SND1: variants seen among roughly 807,000 people sequenced by gnomAD.
SND1 encodes staphylococcal nuclease and tudor domain containing 1.
Under a neutral mutation model 121.7 loss-of-function variants are expected in SND1, and 38 were observed. The observed-to-expected ratio is 0.31, with a 90% CI of 0.24 to 0.41. The LOEUF (loss-of-function observed/expected upper bound fraction) is 0.41. SND1 is among the 10% of genes least tolerant of loss of function. SND1 has a pLI of 1.00. For synonymous variants in SND1, 401 were observed against 447.4 expected (o/e 0.90, Z 1.31); for missense variants, 868 against 1,184.6 (o/e 0.73, Z 3.92).
chr7:127,944,771 C>T (rs747375244), intron 15 of SND1, among the ~76,000 whole-genome samples: 1 of 152,160 alleles, frequency 6.6e-6, no homozygotes, highest in Non-Finnish European at 1.5e-5. Flanking sequence ...AGACCAAGAC[C>T]AGAAAAGGTC....
chr7:127,894,134 A>G (rs1184830540), intron 13 of SND1, among the ~76,000 whole-genome samples: 1 of 152,116 alleles, frequency 6.6e-6, no homozygotes, highest in African/African-American at 2.4e-5. Context: ...AGAGGGATTC[A>G]GTATTAATTG....
intron 16 of SND1, among the ~76,000 whole-genome samples, chr7:128,047,395 T>C (rs1327141546): frequency 6.6e-6 from 1 of 152,256 alleles, no homozygotes; most frequent in Admixed American, 6.5e-5. Flanking sequence ...ATACCATGCC[T>C]GTGCTTTAGC....
At chr7:127,808,450 C>T (rs927484949) in intron 11 of SND1, among the ~76,000 whole-genome samples, 1 of 152,214 alleles carries the variant, frequency 6.6e-6, no homozygotes, top group Non-Finnish European at 1.5e-5. Context: ...CAGGCATGGG[C>T]CACTGCACCC....
chr7:127,671,636 G>A (rs1345445466), intron 1 of SND1, among the ~76,000 whole-genome samples: 5 of 152,246 alleles, frequency 3.3e-5, no homozygotes, highest in East Asian at 3.9e-4. Flanking sequence ...TCAGCCTCCC[G>A]AGTAGCTGAA....
At chr7:127,980,745 G>A (rs1233858008) in intron 15 of SND1, among the ~76,000 whole-genome samples, 3 of 152,170 alleles carry the variant, frequency 2.0e-5, no homozygotes, top group African/African-American at 4.8e-5. Context: ...CTAAATTTAT[G>A]CAAGTAAGTA....
intron 10 of SND1, among the ~76,000 whole-genome samples, chr7:127,775,589 G>A: frequency 6.6e-6 from 1 of 151,948 alleles, no homozygotes; most frequent in Middle Eastern, 3.2e-3. Context: ...CTTTACACCT[G>A]GGAGCACCCT....
chr7:127,703,221 A>G lies in SND1; in HGVS notation c.738A>G (p.Ala246=). Residue 246 remains alanine, a synonymous_variant, in exon 7 of 24, where the codon GCA becomes GCG. Transcript: ENST00000354725. The stretch of plus-strand genomic sequence containing the variant: ...GTGAAACTCCAGAGCCTTTTGCTGC[A>G]GAAGCCAAATTTTTCACTGAGTCGC... ...DGSETPEPFA[A]EAKFFTESRL... 6.2e-7 allele frequency: 1 copy of G among 1,614,168 alleles called. No homozygotes were observed. Among genetic ancestry groups the G allele is most frequent in the Non-Finnish European group, 8.5e-7 (1 of 1,180,000 alleles).
chr7:127,932,138 T>C (rs1413275015), intron 15 of SND1, among the ~76,000 whole-genome samples: 3 of 152,194 alleles, frequency 2.0e-5, no homozygotes, highest in East Asian at 1.9e-4. Flanking sequence ...GGGAAGCAAA[T>C]TGAAAACTTT....
At position 128,080,041 on chromosome 7, in the gene SND1, A is replaced by G. The variant is rs75266632; in HGVS notation, c.1969-1319A>G. 6.2e-4 allele frequency among the ~76,000 whole-genome samples: 95 copies of G among 152,346 alleles called. 1 individual carries two copies. The highest frequency in any genetic ancestry group is 2.2e-3 in the African/African-American group (91 of 41,574). ...TTCCCATTTGTAAAACAGGGATAAT[A>G]CCAAGACCTACTCAAAGGGTTGTTG... is the stretch of plus-strand genomic sequence containing the variant. On this transcript the variant is annotated intron_variant, in intron 17 of 23. Coordinates refer to ENST00000354725, the MANE Select transcript of SND1 (RefSeq NM_014390.4).
intron 10 of SND1, among the ~76,000 whole-genome samples, chr7:127,780,918 ATTC>A (rs1309629338): frequency 6.6e-6 from 1 of 152,144 alleles, no homozygotes; most frequent in Non-Finnish European, 1.5e-5. Context: ...AGCATTTAGA[ATTC>A]TTCTGAGCTA....
intron 12 of SND1, among the ~76,000 whole-genome samples, chr7:127,846,515 T>C (rs1340182449): frequency 1.3e-5 from 2 of 152,192 alleles, no homozygotes; most frequent in Non-Finnish European, 2.9e-5. Context: ...TAGACTGTTG[T>C]GTCCCTAAAG....
chr7:128,023,796 C>G (rs774294237), intron 16 of SND1, among the ~76,000 whole-genome samples: 10 of 152,088 alleles, frequency 6.6e-5, no homozygotes, highest in Non-Finnish European at 1.3e-4. Context: ...TGTGTATTGT[C>G]AAATAACTGT....
chr7:127,809,047 C>T (rs1358078723), intron 11 of SND1, among the ~76,000 whole-genome samples: 1 of 152,186 alleles, frequency 6.6e-6, no homozygotes, highest in Non-Finnish European at 1.5e-5. Flanking sequence ...CTGTTTCATC[C>T]CTGGGACCAT....
At chr7:127,710,972 C>T (rs1196890196) in intron 9 of SND1, among the ~76,000 whole-genome samples, 2 of 151,980 alleles carry the variant, frequency 1.3e-5, no homozygotes, top group Non-Finnish European at 2.9e-5. Flanking sequence ...TTTGTTTTCC[C>T]TGGAGTTAAT....
chr7:127,781,756 G>A (rs1978495), intron 10 of SND1, among the ~76,000 whole-genome samples: 45,897 of 151,958 alleles, frequency 0.3, 7,602 homozygotes, highest in African/African-American at 0.44. Context: ...AATAATTAAA[G>A]TAAAAGCAAT....
chr7:127,764,310 C>T (rs1001887795), intron 10 of SND1, among the ~76,000 whole-genome samples: 4 of 152,224 alleles, frequency 2.6e-5, no homozygotes, highest in African/African-American at 7.2e-5. Context: ...CATTCCCACA[C>T]ATTATGTGTA....
chr7:128,081,397 T>G lies in SND1; in HGVS notation c.2006T>G (p.Val669Gly). 1.2e-6 allele frequency: 2 copies of G among 1,613,906 alleles called. No individual in the cohort carries two copies. Among genetic ancestry groups the G allele is most frequent in the Non-Finnish European group, 1.7e-6 (2 of 1,179,992 alleles). ...TATGAGGAGCAGCCCGTGGAGGAGG[T>G]GATGCCAGTGCTGGAGGAGAAGGAG... Reference protein sequence around the residue: ...AHYEEQPVEEVMPVLEEKERS... With the variant: ...AHYEEQPVEEGMPVLEEKERS... The change falls in exon 18 of 24, where the codon GTG becomes GGG. Residue 669 changes from valine to glycine, a missense_variant. Transcript: ENST00000354725.
chr7:128,059,925 C>T (rs1420224448), intron 16 of SND1, among the ~76,000 whole-genome samples: 2 of 152,178 alleles, frequency 1.3e-5, no homozygotes, highest in African/African-American at 4.8e-5. Context: ...GAATTTCAAA[C>T]AAACAGGAAA....
At chr7:128,088,634 G>A (rs1425354090) in intron 21 of SND1, among the ~76,000 whole-genome samples, 2 of 151,814 alleles carry the variant, frequency 1.3e-5, no homozygotes, top group Non-Finnish European at 2.9e-5. Flanking sequence ...TGTATTTTCA[G>A]TAGAGACAGG....
Sources: allele counts gnomAD v4.1 joint callset (sites outside exome capture counted in the v4.1 genomes callset), GRCh38; gene constraint gnomAD v4.1.1; transcripts MANE v1.5; gene names NCBI Gene and HGNC (gene_info 2026-07-23, HGNC 2026-07-21).